Variants in ZFP30 observed in about 807,000 individuals in gnomAD.
ZFP30 encodes the protein ZFP30 zinc finger protein, also known as zinc finger protein 30 homolog.
In ZFP30, 16 loss-of-function variants were observed where a neutral mutation model predicts 12.3. The observed-to-expected ratio is 1.30, with a 90% confidence interval of 0.88 to 1.98. ZFP30 has a LOEUF of 1.98. Among genes scored for constraint, ZFP30 ranks in the 30% most tolerant of loss-of-function variants. ZFP30 has a pLI of 0.00. For synonymous variants in ZFP30, 172 were observed against 201.0 expected (o/e 0.86, Z 1.22); for missense variants, 560 against 611.2 (o/e 0.92, Z 0.88).
rs1218317989 is a variant in ZFP30 at position 37,635,055 on chromosome 19, A to G, written c.1486T>C (p.Cys496Arg). ...RIHSGEKPYK[C>R]KECKKAFRQH... ...CTAAATGCCTTTTTACATTCCTTACATTTGTATGGTTTCTCACCAGAATGA... is the reference window on the plus strand; with the variant it reads ...CTAAATGCCTTTTTACATTCCTTACGTTTGTATGGTTTCTCACCAGAATGA... Residue 496 changes from cysteine (C) to arginine (R), a missense_variant, in exon 6 of 6, where the codon TGT becomes CGT. Coordinates refer to ENST00000684514, the MANE Select transcript of ZFP30 (RefSeq NM_001320669.3). 1.2e-6 allele frequency: 2 copies of G among 1,609,178 alleles called. No individual in the cohort carries two copies. Among genetic ancestry groups the G allele is most frequent in the South Asian group, 2.2e-5 (2 of 89,920 alleles).
chr19:37,653,381 C>A (rs1234756623), intron 2 of ZFP30, among the ~76,000 whole-genome samples: 3 of 152,082 alleles, frequency 2.0e-5, no homozygotes, highest in Admixed American at 6.5e-5. Context: ...TTGCATTTAC[C>A]CCTCCTCAGC....
At chr19:37,654,266 C>G (rs2044709095) in intron 2 of ZFP30, among the ~76,000 whole-genome samples, 2 of 152,104 alleles carry the variant, frequency 1.3e-5, no homozygotes, top group South Asian at 4.1e-4. Context: ...CCAAGATATA[C>G]CCAAAATAAA....
intron 5 of ZFP30, among the ~76,000 whole-genome samples, chr19:37,637,172 T>C (rs1480117163): frequency 6.6e-6 from 1 of 151,802 alleles, no homozygotes; most frequent in East Asian, 1.9e-4. Flanking sequence ...TTGTTTTCTA[T>C]CCCAGTCACT....
intron 2 of ZFP30, among the ~76,000 whole-genome samples, chr19:37,652,002 GAA>G (rs972439485): frequency 5.3e-5 from 8 of 151,962 alleles, no homozygotes; most frequent in African/African-American, 1.7e-4. Context: ...TTGAACAGAT[GAA>G]AAAAACTCTT....
intron 4 of ZFP30, 151 bp downstream of exon 4, chr19:37,644,459 A>G (rs2044499108): frequency 7.1e-6 from 5 of 706,986 alleles, no homozygotes; most frequent in Non-Finnish European, 1.1e-5. Flanking sequence ...GCTTGAACCC[A>G]GGAGGTAGAG....
rs760405672 is a variant in ZFP30, at chr19:37,647,769, G to GA, written c.9+44dup. On this transcript the variant is annotated intron_variant, in intron 3 of 5. Coordinates refer to ENST00000684514, the MANE Select transcript of ZFP30 (RefSeq NM_001320669.3). Reference sequence around the variant, plus strand: ...ACAAATGAGAATGTTCACATAACCTGAAAAAAATGACAGAATTCCAAAGTA... The same window carrying GA: ...ACAAATGAGAATGTTCACATAACCTGAAAAAAAATGACAGAATTCCAAAGTA... The GA allele has an allele frequency of 8.7e-6, 14 of 1,611,794 alleles. No individual in the cohort carries two copies. The East Asian group carries it at 2.9e-4, about 33-fold the overall frequency.
chr19:37,654,452 T>C (rs1250943907), intron 2 of ZFP30, among the ~76,000 whole-genome samples: 2 of 152,196 alleles, frequency 1.3e-5, no homozygotes, highest in African/African-American at 4.8e-5. Context: ...TATTTCCATA[T>C]CATCAAGATC....
intron 5 of ZFP30, among the ~76,000 whole-genome samples, chr19:37,640,764 A>G (rs2044419057): frequency 6.6e-6 from 1 of 151,688 alleles, no homozygotes; most frequent in Admixed American, 6.6e-5. Context: ...ATAAAATAAT[A>G]AAATAAAATA....
chr19:37,641,101 T>C (rs1337422385), intron 5 of ZFP30, among the ~76,000 whole-genome samples: 3 of 152,200 alleles, frequency 2.0e-5, no homozygotes, highest in African/African-American at 7.2e-5. Context: ...AAGAAAAATA[T>C]GTATTCTCTT....
rs1881541293 is a variant in ZFP30, at chr19:37,635,545, T to C, written c.996A>G (p.Gly332=). The C allele has an allele frequency of 6.2e-7, 1 of 1,613,972 alleles. No individual in the cohort carries two copies. The change falls in exon 6 of 6, where the codon GGA becomes GGG. Residue 332 remains glycine, a synonymous_variant. Transcript: ENST00000684514. The stretch of plus-strand genomic sequence containing the variant: ...GTTGCTGCCGCACTCTAAAGGCCTT[T>C]CCACACTCCTTACATTCATAGGGTT... The part of the protein sequence containing the change: ...GEKPYECKEC[G]KAFRVRQQLT...
chr19:37,643,481 C>G, intron 4 of ZFP30, 118 bp from the exon 5 acceptor site: 1 of 649,154 alleles, frequency 1.5e-6, no homozygotes, highest in Non-Finnish European at 2.2e-6. Flanking sequence ...CAAGGAAAAA[C>G]AAGAACACAG....
intron 2 of ZFP30, 78 bp from the exon 3 acceptor site, chr19:37,647,977 C>A (rs1346575793): frequency 4.0e-6 from 3 of 752,324 alleles, no homozygotes; most frequent in Non-Finnish European, 6.5e-6. Context: ...TACTACTTCT[C>A]CATTCCTATA....
In ZFP30 at chr19:37,634,192, A is replaced by C. The variant is rs2044278316; in HGVS notation, c.*789T>G. ...GTAGAATTACCCTTATTTTAGATTT[A>C]ATTGCTCCTTTTTGTGTCATGTAAT... On this transcript the variant is annotated 3_prime_UTR_variant, in exon 6 of 6. Transcript: ENST00000684514. 6.6e-6 allele frequency: 1 copy of C among 152,156 alleles called. No homozygotes were observed. The highest frequency in any genetic ancestry group is 6.5e-5 in the Admixed American group (1 of 15,274). The allele number at this position is 152,156 out of a possible 1,614,324, so 9.4% of individuals were successfully genotyped here.
Position 37,634,374 on chromosome 19 carries a change from G to A in ZFP30, c.*607C>T, listed in dbSNP as rs575624281. 6.6e-6 allele frequency: 1 copy of A among 152,326 alleles called. No individual in the cohort carries two copies. The highest frequency in any genetic ancestry group is 1.9e-4 in the East Asian group (1 of 5,180). The allele number at this position is 152,326 out of a possible 1,614,324, so 9.4% of individuals were successfully genotyped here. On this transcript the variant is annotated 3_prime_UTR_variant, in exon 6 of 6. Coordinates refer to ENST00000684514, the MANE Select transcript of ZFP30 (RefSeq NM_001320669.3). ...TTGCTTTTTGTGAAGTTGAGATGAT[G>A]AGTGGGTTCAGACGTTGTCAGTCTC...
At chr19:37,640,566 C>T (rs1439199725) in intron 5 of ZFP30, among the ~76,000 whole-genome samples, 3 of 151,040 alleles carry the variant, frequency 2.0e-5, no homozygotes, top group African/African-American at 7.3e-5. Flanking sequence ...GTGTTATTTC[C>T]ATTTACAGGG....
rs1290512097 is a variant in ZFP30 at position 37,635,817 on chromosome 19, A to C, written c.724T>G (p.Tyr242Asp). 6.2e-7 allele frequency: 1 copy of C among 1,614,162 alleles called. No individual in the cohort carries two copies. Among genetic ancestry groups the C allele is most frequent in the Admixed American group, 1.7e-5 (1 of 60,012 alleles). The change falls in exon 6 of 6, where the codon TAT (tyrosine) becomes GAT (aspartate). Residue 242 changes from tyrosine (Y) to aspartate (D), a missense_variant. Transcript: ENST00000684514. ...HQRIHIGEKP[Y>D]ECKECGKAFR... is the part of the protein sequence containing the mutation. ...GCTTTCCCACATTCTTTACATTCAT[A>C]CGGCTTCTCACCAATATGAATTCTC...
rs889205398 is a variant in ZFP30 at position 37,632,326 on chromosome 19, C to T, written c.*2655G>A. Reference sequence around the variant, plus strand: ...TATACCTACACACTATACACACACACATTACATATATGTAGTATAGCAACT... The same window carrying T: ...TATACCTACACACTATACACACACATATTACATATATGTAGTATAGCAACT... On this transcript the variant is annotated 3_prime_UTR_variant, in exon 6 of 6. Transcript: ENST00000684514. 7.9e-5 allele frequency: 12 copies of T among 152,008 alleles called. No individual in the cohort carries two copies. Among genetic ancestry groups the T allele is most frequent in the African/African-American group, 2.9e-4 (12 of 41,396 alleles). 9.4% of individuals were successfully genotyped at this position (152,008 alleles called of 1,614,324 possible).
intron 4 of ZFP30, 90 bp downstream of exon 4, chr19:37,644,520 G>A (rs1380430167): frequency 1.4e-5 from 19 of 1,379,082 alleles, no homozygotes; most frequent in Admixed American, 5.5e-5. Flanking sequence ...GTGACTCAGC[G>A]AGACTTCGTC....
intron 5 of ZFP30, among the ~76,000 whole-genome samples, chr19:37,637,006 C>T (rs980762060): frequency 2.6e-5 from 4 of 151,864 alleles, no homozygotes; most frequent in Admixed American, 6.6e-5. Flanking sequence ...CCACCACATC[C>T]GACCCAATCT....
Sources: allele counts gnomAD v4.1 joint callset (sites outside exome capture counted in the v4.1 genomes callset), GRCh38; gene constraint gnomAD v4.1.1; transcripts MANE v1.5; gene names NCBI Gene and HGNC (gene_info 2026-07-23, HGNC 2026-07-21).